RANBP2: variants seen among roughly 807,000 people sequenced by gnomAD.
RANBP2 encodes the protein E3 SUMO-protein ligase RanBP2.
RANBP2 carries 57 observed loss-of-function variants against 303.6 expected under a neutral mutation model. That is an observed-to-expected ratio of 0.19 (90% CI 0.15 to 0.23). The LOEUF (loss-of-function observed/expected upper bound fraction) is 0.23. Ranked by LOEUF, RANBP2 falls within the 10% of genes least tolerant of loss-of-function variation. RANBP2 has a pLI of 1.00. For synonymous variants in RANBP2, 1,167 were observed against 1,301.5 expected (o/e 0.90, Z 2.23); for missense variants, 3,138 against 3,780.8 (o/e 0.83, Z 4.46).
chr2:109,527,230 C>T, the RANBP2 span, among the ~76,000 whole-genome samples: 2 of 152,206 alleles, frequency 1.3e-5, no homozygotes, highest in South Asian at 4.1e-4. Flanking sequence ...CTGCCGCACG[C>T]CTTCACTGTG....
the RANBP2 span, among the ~76,000 whole-genome samples, chr2:109,155,897 T>C: frequency 0.71 from 108,291 of 152,204 alleles, 39,657 homozygotes; most frequent in African/African-American, 0.77. Flanking sequence ...GATGGTCATA[T>C]GTATTGTAAC....
At chr2:109,400,225 C>T in the RANBP2 span, among the ~76,000 whole-genome samples, 17 of 152,266 alleles carry the variant, frequency 1.1e-4, no homozygotes, top group Admixed American at 3.9e-4. Flanking sequence ...CACACATGCA[C>T]GCACACACAC....
At chr2:109,727,803 TAAGA>T in the RANBP2 span, among the ~76,000 whole-genome samples, 30 of 152,194 alleles carry the variant, frequency 2.0e-4, no homozygotes, top group Non-Finnish European at 4.1e-4. Flanking sequence ...GCCATGGCAC[TAAGA>T]ATGACCTCTT....
chr2:108,827,619 A>C, the RANBP2 span, among the ~76,000 whole-genome samples: 1 of 152,066 alleles, frequency 6.6e-6, no homozygotes, highest in Non-Finnish European at 1.5e-5. Flanking sequence ...GACGGAGACT[A>C]TCCTGGCTAA....
chr2:109,679,971 A>G, the RANBP2 span, among the ~76,000 whole-genome samples: 3 of 152,152 alleles, frequency 2.0e-5, no homozygotes, highest in Admixed American at 2.0e-4. Flanking sequence ...ATCAGTCAAA[A>G]GTGTTGTATG....
At chr2:108,985,676 G>T in the RANBP2 span, among the ~76,000 whole-genome samples, 1 of 152,188 alleles carries the variant, frequency 6.6e-6, no homozygotes, top group Non-Finnish European at 1.5e-5. Flanking sequence ...CAGTGTGTTT[G>T]CCACCCTTGG....
At chr2:109,303,408 A>C in the RANBP2 span, among the ~76,000 whole-genome samples, 1 of 152,256 alleles carries the variant, frequency 6.6e-6, no homozygotes, top group Non-Finnish European at 1.5e-5. Context: ...CTTCGCTCAC[A>C]CTATATTTTT....
chr2:109,511,951 T>G, the RANBP2 span, among the ~76,000 whole-genome samples: 1 of 152,156 alleles, frequency 6.6e-6, no homozygotes, highest in Non-Finnish European at 1.5e-5. Flanking sequence ...GCACACGTAC[T>G]GCAGAATTGC....
the RANBP2 span, among the ~76,000 whole-genome samples, chr2:109,167,089 A>AT: frequency 8.5e-5 from 13 of 152,236 alleles, no homozygotes; most frequent in African/African-American, 2.4e-4. Context: ...CAGAAGTTAA[A>AT]TTAATAGCAG....
the RANBP2 span, among the ~76,000 whole-genome samples, chr2:109,155,459 C>T: frequency 6.6e-6 from 1 of 152,042 alleles, no homozygotes; most frequent in Non-Finnish European, 1.5e-5. Flanking sequence ...CCCACCACCA[C>T]GCCTGGCTAA....
the RANBP2 span, among the ~76,000 whole-genome samples, chr2:109,378,340 G>A: frequency 6.6e-6 from 1 of 152,168 alleles, no homozygotes; most frequent in African/African-American, 2.4e-5. Flanking sequence ...AACCACATAG[G>A]CAGTGGGAGA....
the RANBP2 span, among the ~76,000 whole-genome samples, chr2:108,970,487 A>T: frequency 6.6e-6 from 1 of 152,126 alleles, no homozygotes; most frequent in Non-Finnish European, 1.5e-5. Context: ...GGAGGGCAGG[A>T]CACTGAGTGG....
At chr2:108,896,489 G>A in the RANBP2 span, 3 of 163,780 alleles carry the variant, frequency 1.8e-5, no homozygotes, top group Non-Finnish European at 4.0e-5. Flanking sequence ...TTCCAGTGAA[G>A]TGGTTTGTAA....
chr2:108,786,739 C>T (rs1414248000), downstream of RANBP2: 9 of 1,295,454 alleles, frequency 6.9e-6, no homozygotes, highest in Non-Finnish European at 9.8e-6. Context: ...CGGGGTCTGG[C>T]ACGTCGTGAC....
the RANBP2 span, among the ~76,000 whole-genome samples, chr2:109,302,627 C>T: frequency 2.5e-4 from 38 of 152,214 alleles, no homozygotes; most frequent in Non-Finnish European, 3.4e-4. Flanking sequence ...GGGGATTAGC[C>T]AGCCCAGGCC....
chr2:108,900,573 A>C, the RANBP2 span, among the ~76,000 whole-genome samples: 522 of 136,936 alleles, frequency 3.8e-3, 5 homozygotes, highest in African/African-American at 0.012. Context: ...AAAAAAAAAA[A>C]CAAAAAACCC....
the RANBP2 span, chr2:109,449,323 G>A: frequency 6.2e-7 from 1 of 1,604,630 alleles, no homozygotes; most frequent in Non-Finnish European, 8.5e-7. Context: ...GTGCAGATGT[G>A]CCCACGGCCG....
At chr2:109,118,705 A>G in the RANBP2 span, among the ~76,000 whole-genome samples, 1 of 152,184 alleles carries the variant, frequency 6.6e-6, no homozygotes, top group East Asian at 2.0e-4. Context: ...ATACCTCAAT[A>G]AGTCATGATT....
the RANBP2 span, among the ~76,000 whole-genome samples, chr2:109,535,454 G>C: frequency 2.0e-5 from 3 of 152,156 alleles, no homozygotes; most frequent in South Asian, 6.2e-4. Flanking sequence ...GGGTAGGGCT[G>C]TAGCTTGGTG....
Sources: gnomAD v4.1 joint callset for allele counts (sites outside exome capture counted in the v4.1 genomes callset) on GRCh38, gnomAD v4.1.1 for gene constraint, MANE v1.5 for transcripts, NCBI Gene and HGNC (gene_info 2026-07-23, HGNC 2026-07-21) for gene names.